Variants in ZIC4 observed in about 807,000 individuals in gnomAD.
The protein encoded by ZIC4 is Zic family zinc finger 4.
A neutral mutation model predicts 28.8 loss-of-function variants in ZIC4; 15 were observed. That is an observed-to-expected ratio of 0.52 (90% CI 0.35 to 0.80). The LOEUF (loss-of-function observed/expected upper bound fraction) is 0.80. Ranked by LOEUF, ZIC4 falls within the 30% of genes least tolerant of loss-of-function variation. ZIC4 has a pLI of 0.01. For synonymous variants in ZIC4, 220 were observed against 198.1 expected (o/e 1.11, Z -0.93); for missense variants, 512 against 467.1 (o/e 1.10, Z -0.89).
intron 2 of ZIC4, among the ~76,000 whole-genome samples, chr3:147,398,911 G>A (rs1428936936): frequency 1.3e-5 from 2 of 151,968 alleles, no homozygotes; most frequent in East Asian, 3.9e-4. Flanking sequence ...ATTAACTGAT[G>A]TATAACAGTT....
Position 147,400,236 on chromosome 3 carries a change from T to G in ZIC4, c.70+2492A>C, listed in dbSNP as rs565012914. On this transcript the variant is annotated intron_variant, in intron 2 of 4. Coordinates refer to ENST00000383075, the MANE Select transcript of ZIC4 (RefSeq NM_032153.6). ...GCCCTCTGGAATTCTAACCACTGAC[T>G]CTCTGGACTCCAGGGTTAAGAAACA... 2.0e-5 allele frequency among the ~76,000 whole-genome samples: 3 copies of G among 152,328 alleles called. No individual in the cohort carries two copies. The East Asian group carries it at 5.8e-4, about 29-fold the overall frequency.
Position 147,402,635 on chromosome 3 carries a change from A to G in ZIC4, c.70+93T>C, listed in dbSNP as rs1377714141. On this transcript the variant is annotated intron_variant, in intron 2 of 4. Coordinates refer to ENST00000383075, the MANE Select transcript of ZIC4 (RefSeq NM_032153.6). ...AAACTCTCAACCCAACATAAACAAA[A>G]GACAAAACAAAACTTCCTACTTAAA... 4.1e-6 allele frequency: 5 copies of G among 1,216,304 alleles called. No individual in the cohort carries two copies. The South Asian group carries it at 7.3e-5, about 18-fold the overall frequency. 75.3% of individuals were successfully genotyped at this position (1,216,304 alleles called of 1,614,324 possible).
At chr3:147,389,801 G>A (rs2086873191) in intron 4 of ZIC4, among the ~76,000 whole-genome samples, 1 of 151,986 alleles carries the variant, frequency 6.6e-6, no homozygotes, top group South Asian at 2.1e-4. Context: ...AAAATAAGAC[G>A]AACATTGTGC....
chr3:147,402,590 G>T, intron 2 of ZIC4, 138 bp downstream of exon 2: 1 of 676,982 alleles, frequency 1.5e-6, no homozygotes, highest in Non-Finnish European at 2.4e-6. Context: ...AGTTTCATTT[G>T]AACTCAAGAA....
At chr3:147,401,630 T>G (rs570298556) in intron 2 of ZIC4, among the ~76,000 whole-genome samples, 1 of 152,208 alleles carries the variant, frequency 6.6e-6, no homozygotes, top group Non-Finnish European at 1.5e-5. Context: ...TCTATTCTTA[T>G]GCAAAGAAAT....
chr3:147,395,702 G>C, intron 3 of ZIC4, 150 bp downstream of exon 3: 1 of 1,274,126 alleles, frequency 7.8e-7, no homozygotes, highest in East Asian at 2.3e-5. Context: ...TCTAAGAATA[G>C]AAGCGCATAA....
In ZIC4 at chr3:147,388,521, G is replaced by A. The variant is rs2086839677; in HGVS notation, c.*338C>T. On this transcript the variant is annotated 3_prime_UTR_variant, in exon 5 of 5. Transcript: ENST00000383075. Reference sequence around the variant, plus strand: ...ATTATTATCCATTTTTATTATGATCGGGTACAAGTGCCCATTCGCGTGGGT... The same window carrying A: ...ATTATTATCCATTTTTATTATGATCAGGTACAAGTGCCCATTCGCGTGGGT... 2.8e-6 allele frequency: 1 copy of A among 352,144 alleles called. No individual in the cohort carries two copies. Among genetic ancestry groups the A allele is most frequent in the Non-Finnish European group, 5.1e-6 (1 of 197,208 alleles). 21.8% of individuals were successfully genotyped at this position (352,144 alleles called of 1,614,324 possible).
intron 3 of ZIC4, chr3:147,391,904 G>C (rs2086930027): frequency 1.1e-6 from 1 of 927,598 alleles, no homozygotes; most frequent in Non-Finnish European, 1.3e-6. Context: ...TACAGGAATG[G>C]AGCCCCCTCC....
chr3:147,395,418 A>C (rs1236084260), intron 3 of ZIC4, among the ~76,000 whole-genome samples: 1 of 152,150 alleles, frequency 6.6e-6, no homozygotes, highest in Admixed American at 6.5e-5. Context: ...GGGCCTGGTA[A>C]CCTCTCAGTC....
chr3:147,391,329 A>AT (rs1426986164), intron 3 of ZIC4, 83 bp from the exon 4 acceptor site: 2 of 1,425,838 alleles, frequency 1.4e-6, no homozygotes, highest in Non-Finnish European at 9.3e-7. Context: ...TTCGTCTCTC[A>AT]TTTTCTGGAA....
chr3:147,403,980 T>C (rs1286596089), intron 1 of ZIC4: 3 of 1,537,024 alleles, frequency 2.0e-6, no homozygotes, highest in Admixed American at 2.0e-5. Context: ...CCAGAGGGTA[T>C]TATTATTTTC....
chr3:147,391,439 C>T, intron 3 of ZIC4, 193 bp from the exon 4 acceptor site: 2 of 616,326 alleles, frequency 3.2e-6, no homozygotes, highest in Admixed American at 6.8e-5. Flanking sequence ...CTCTCTTGAA[C>T]GCCTCCATCC....
At chr3:147,399,859 T>A (rs747355804) in intron 2 of ZIC4, among the ~76,000 whole-genome samples, 3 of 151,778 alleles carry the variant, frequency 2.0e-5, no homozygotes, top group Non-Finnish European at 4.4e-5. Flanking sequence ...AAAGACGGAG[T>A]TTCACCATGT....
rs2034738388 is a variant in ZIC4 at position 147,388,709 on chromosome 3, C to A, written c.*150G>T. On this transcript the variant is annotated 3_prime_UTR_variant, in exon 5 of 5. Transcript: ENST00000383075. The stretch of plus-strand genomic sequence containing the variant: ...CCTTTCAGGATTTCAGTGCGACTTG[C>A]ACATTGCCATAGAAATCCTAACTTA... The A allele has an allele frequency of 1.5e-6, 1 of 655,044 alleles. No individual in the cohort carries two copies. Among genetic ancestry groups the A allele is most frequent in the Non-Finnish European group, 2.8e-6 (1 of 360,064 alleles). The allele number at this position is 655,044 out of a possible 1,614,324, so 40.6% of individuals were successfully genotyped here.
At chr3:147,389,919 G>T (rs2086877044) in intron 4 of ZIC4, among the ~76,000 whole-genome samples, 1 of 152,126 alleles carries the variant, frequency 6.6e-6, no homozygotes, top group Non-Finnish European at 1.5e-5. Flanking sequence ...TCATCAGCTC[G>T]CTCTACACCC....
At chr3:147,389,077 C>CCCAAACA in intron 4 of ZIC4, 1 of 590,808 alleles carries the variant, frequency 1.7e-6, no homozygotes, top group East Asian at 2.8e-5. Flanking sequence ...GTTGGTGTTT[C>CCCAAACA]ACTATGGGAA....
rs746666942 is a variant in ZIC4 at position 147,396,404 on chromosome 3, G to T, written c.136C>A (p.Leu46Ile). ...GAGGCCTGGGGAGGCTCCTCGTGGA[G>T]GCCCGGGAACACCGAGGGGCTGGAG... is the stretch of plus-strand genomic sequence containing the variant. Reference protein sequence around the residue: ...AASSPSVFPGLHEEPPQASPS... With the variant: ...AASSPSVFPGIHEEPPQASPS... Residue 46 changes from leucine to isoleucine, a missense_variant, in exon 3 of 5, where the codon CTC (leucine) becomes ATC (isoleucine). Coordinates refer to ENST00000383075, the MANE Select transcript of ZIC4 (RefSeq NM_032153.6). The surrounding 1 kb of genome is among the most constrained non-coding windows in gnomAD (Gnocchi z 4.2). The T allele has an allele frequency of 3.3e-6, 5 of 1,525,562 alleles. No homozygotes were observed. In the Admixed American group the frequency reaches 6.7e-5, roughly 20 times the overall value. The allele number at this position is 1,525,562 out of a possible 1,614,324, so 94.5% of individuals were successfully genotyped here.
intron 1 of ZIC4, chr3:147,405,737 T>C: frequency 1.9e-6 from 1 of 529,268 alleles, no homozygotes; most frequent in Non-Finnish European, 3.4e-6. Flanking sequence ...AGGACCAGGG[T>C]GAGGGAGGGC....
chr3:147,387,325 T>C lies in ZIC4; in HGVS notation c.*1534A>G, dbSNP rs2086813961. 6.6e-6 allele frequency: 1 copy of C among 152,646 alleles called. No homozygotes were observed. The highest frequency in any genetic ancestry group is 2.4e-5 in the African/African-American group (1 of 41,446). 9.5% of individuals were successfully genotyped at this position (152,646 alleles called of 1,614,324 possible). ...TTGATTTTTATCTCTTTAGAAACGG[T>C]TTGAAACTAACGGGGCAGAGGGAGT... On this transcript the variant is annotated 3_prime_UTR_variant, in exon 5 of 5. Transcript: ENST00000383075.
Sources: allele counts gnomAD v4.1 joint callset (sites outside exome capture counted in the v4.1 genomes callset), GRCh38; gene constraint gnomAD v4.1.1; non-coding constraint Gnocchi (gnomAD v3.1); transcripts MANE v1.5; gene names NCBI Gene and HGNC (gene_info 2026-07-23, HGNC 2026-07-21).